RANBP2: variants seen among roughly 807,000 people sequenced by gnomAD.
RANBP2 encodes E3 SUMO-protein ligase RanBP2.
In RANBP2, 57 loss-of-function variants were observed where a neutral mutation model predicts 303.6. The observed-to-expected ratio is 0.19, with a 90% CI of 0.15 to 0.23. RANBP2 has a LOEUF of 0.23. Ranked by LOEUF, RANBP2 falls within the 10% of genes least tolerant of loss-of-function variation. RANBP2 has a pLI of 1.00. For synonymous variants in RANBP2, 1,167 were observed against 1,301.5 expected (o/e 0.90, Z 2.23); for missense variants, 3,138 against 3,780.8 (o/e 0.83, Z 4.46).
At chr2:109,688,981 A>C in the RANBP2 span, among the ~76,000 whole-genome samples, 5 of 148,940 alleles carry the variant, frequency 3.4e-5, no homozygotes, top group Non-Finnish European at 7.4e-5. Context: ...ATCTCGGCTC[A>C]CTGCAACCTC....
the RANBP2 span, among the ~76,000 whole-genome samples, chr2:109,123,356 TTCCTTC>T: frequency 7.2e-6 from 1 of 139,290 alleles, no homozygotes; most frequent in Admixed American, 6.9e-5. Context: ...CCTTCCTTCC[TTCCTTC>T]CTTCCTTCCA....
At chr2:109,218,147 G>C in the RANBP2 span, among the ~76,000 whole-genome samples, 2 of 120,966 alleles carry the variant, frequency 1.7e-5, no homozygotes, top group African/African-American at 8.3e-5. Context: ...CTCCTTTTCT[G>C]TTCTATTAAA....
chr2:109,305,919 G>T, the RANBP2 span, among the ~76,000 whole-genome samples: 1 of 150,108 alleles, frequency 6.7e-6, no homozygotes. Flanking sequence ...CCTTTGGGCT[G>T]CTCCTCCAGC....
At chr2:109,430,420 C>T in the RANBP2 span, among the ~76,000 whole-genome samples, 6 of 152,172 alleles carry the variant, frequency 3.9e-5, no homozygotes, top group African/African-American at 1.2e-4. Context: ...CTTCCTTTGC[C>T]TCAGCCCAGG....
chr2:109,313,374 G>C, the RANBP2 span, among the ~76,000 whole-genome samples: 1 of 152,226 alleles, frequency 6.6e-6, no homozygotes, highest in African/African-American at 2.4e-5. Flanking sequence ...GCACAGCCCG[G>C]GATGAGACTG....
chr2:109,459,316 A>G, the RANBP2 span, among the ~76,000 whole-genome samples: 4 of 152,156 alleles, frequency 2.6e-5, no homozygotes, highest in African/African-American at 9.7e-5. Flanking sequence ...AGCTGTTCAC[A>G]TGGTCATGGC....
the RANBP2 span, among the ~76,000 whole-genome samples, chr2:109,070,627 A>G: frequency 6.6e-6 from 1 of 152,244 alleles, no homozygotes; most frequent in South Asian, 2.1e-4. Context: ...TGGGAGGTAA[A>G]GGCAGGAGGA....
chr2:109,673,462 C>T, the RANBP2 span, among the ~76,000 whole-genome samples: 1 of 152,202 alleles, frequency 6.6e-6, no homozygotes, highest in East Asian at 1.9e-4. Context: ...TGTAAACAGA[C>T]AGGTCCCTCT....
chr2:109,435,874 G>A, the RANBP2 span, among the ~76,000 whole-genome samples: 3 of 152,310 alleles, frequency 2.0e-5, no homozygotes, highest in South Asian at 2.1e-4. Context: ...CTTGATTGCT[G>A]GGTGAAGTTC....
At chr2:109,547,259 A>C in the RANBP2 span, among the ~76,000 whole-genome samples, 32 of 152,126 alleles carry the variant, frequency 2.1e-4, no homozygotes, top group Admixed American at 8.5e-4. Context: ...GTAAAAATTA[A>C]CTGTTCTTTG....
the RANBP2 span, among the ~76,000 whole-genome samples, chr2:109,118,390 A>G: frequency 6.6e-6 from 1 of 151,712 alleles, no homozygotes; most frequent in Non-Finnish European, 1.5e-5. Flanking sequence ...AAACAAACAA[A>G]AAGAGGGCAT....
chr2:109,124,065 C>A, the RANBP2 span, among the ~76,000 whole-genome samples: 11 of 152,064 alleles, frequency 7.2e-5, no homozygotes, highest in Admixed American at 2.0e-4. Flanking sequence ...GGCTAGAGTA[C>A]GGTGGCACAA....
At chr2:109,679,812 C>T in the RANBP2 span, among the ~76,000 whole-genome samples, 11 of 152,170 alleles carry the variant, frequency 7.2e-5, no homozygotes, top group African/African-American at 2.7e-4. Context: ...GTACTTAACA[C>T]AGTTTACAAA....
chr2:109,033,718 T>C, the RANBP2 span, among the ~76,000 whole-genome samples: 3 of 150,414 alleles, frequency 2.0e-5, no homozygotes, highest in East Asian at 4.0e-4. Flanking sequence ...TTTGGGAGGC[T>C]GAGGCGGGTG....
At chr2:109,083,725 C>G in the RANBP2 span, among the ~76,000 whole-genome samples, 1 of 152,164 alleles carries the variant, frequency 6.6e-6, no homozygotes, top group Non-Finnish European at 1.5e-5. Flanking sequence ...GCAGAACCAC[C>G]ATCCTGTTTT....
the RANBP2 span, among the ~76,000 whole-genome samples, chr2:109,483,295 G>T: frequency 1.3e-5 from 2 of 152,178 alleles, no homozygotes; most frequent in African/African-American, 4.8e-5. Context: ...ATAAGTCCCC[G>T]TTTCTTTCTT....
chr2:109,349,770 T>C, the RANBP2 span, among the ~76,000 whole-genome samples: 12 of 152,184 alleles, frequency 7.9e-5, no homozygotes, highest in Non-Finnish European at 1.3e-4. Flanking sequence ...TAGGCCTGCT[T>C]CTCTGGGCAG....
the RANBP2 span, among the ~76,000 whole-genome samples, chr2:109,259,274 G>T: frequency 6.6e-6 from 1 of 152,316 alleles, no homozygotes; most frequent in Middle Eastern, 3.4e-3. Flanking sequence ...GCTGCTGCTG[G>T]CTCCTGAACA....
chr2:108,920,935 G>A, the RANBP2 span, among the ~76,000 whole-genome samples: 13 of 152,204 alleles, frequency 8.5e-5, no homozygotes, highest in South Asian at 2.1e-4. Context: ...GAGATAACTC[G>A]TCTAACTCAG....
Sources: gnomAD v4.1 joint callset for allele counts (sites outside exome capture counted in the v4.1 genomes callset) on GRCh38, gnomAD v4.1.1 for gene constraint, MANE v1.5 for transcripts, NCBI Gene and HGNC (gene_info 2026-07-23, HGNC 2026-07-21) for gene names.